Variants in STK16 observed in about 807,000 individuals in gnomAD.
STK16 encodes the protein serine/threonine kinase 16.
Under a neutral mutation model 37.8 loss-of-function variants are expected in STK16, and 28 were observed. That is an observed-to-expected ratio of 0.74 (90% CI 0.55 to 1.02). The LOEUF is 1.02. Ranked by LOEUF, STK16 falls within the 50% of genes least tolerant of loss-of-function variation. The pLI, the probability that STK16 is intolerant of heterozygous loss-of-function variation, is 0.00. For missense variants in STK16, 349 were observed against 390.6 expected, an observed-to-expected ratio of 0.89 and a Z score of 0.90; for synonymous variants, 134 against 155.0, an observed-to-expected ratio of 0.86 and a Z score of 1.01.
chr2:219,249,563 C>T lies in STK16; in HGVS notation c.*1004C>T, dbSNP rs1951609432. The T allele has an allele frequency of 2.0e-5, 3 of 152,324 alleles. No individual in the cohort carries two copies. Among genetic ancestry groups the T allele is most frequent in the Admixed American group, 2.0e-4 (3 of 15,288 alleles). 9.4% of individuals were successfully genotyped at this position (152,324 alleles called of 1,614,324 possible). A position where few individuals can be genotyped will look rare whatever the true frequency, so the allele number is the denominator to read the frequency against. The stretch of plus-strand genomic sequence containing the variant: ...TGCTCTTTTGTGATCCAAGCCTCCT[C>T]CCCCGAACCATGTCTACCCCACAGT... On this transcript the variant is annotated 3_prime_UTR_variant, in exon 8 of 8. Transcript: ENST00000396738.
Position 219,245,906 on chromosome 2 carries a change from T to A in STK16, c.-94T>A, listed in dbSNP as rs1951518413. On this transcript the variant is annotated 5_prime_UTR_variant, in exon 2 of 8. Coordinates refer to ENST00000396738, the MANE Select transcript of STK16 (RefSeq NM_001330213.2). ...TTGTTTTCTTTCCAGCATGATCCGC[T>A]GGGCCCCCAGCGCATCTCCTGGAAG... 1.8e-5 allele frequency: 17 copies of A among 965,274 alleles called. No individual in the cohort carries two copies. Among genetic ancestry groups the A allele is most frequent in the Non-Finnish European group, 4.8e-6 (3 of 623,744 alleles). The allele number at this position is 965,274 out of a possible 1,614,324, so 59.8% of individuals were successfully genotyped here.
chr2:219,247,057 C>A, intron 3 of STK16, 56 bp from the exon 4 acceptor site: 1 of 1,610,496 alleles, frequency 6.2e-7, no homozygotes, highest in Non-Finnish European at 8.5e-7. Context: ...AGGGATCAGG[C>A]CTAAGGAGCA....
At position 219,246,490 on chromosome 2, in the gene STK16, T is replaced by C. The variant is rs910726303; in HGVS notation, c.87-167T>C. 4 of 689,704 alleles carry C rather than the reference T, an allele frequency of 5.8e-6. No individual in the cohort carries two copies. The highest frequency in any genetic ancestry group is 1.1e-5 in the Non-Finnish European group (4 of 368,332). The allele number at this position is 689,704 out of a possible 1,614,324, so 42.7% of individuals were successfully genotyped here. On this transcript the variant is annotated intron_variant, in intron 2 of 7. Transcript: ENST00000396738. The surrounding 1 kb of genome is among the most constrained non-coding windows in gnomAD (Gnocchi z 4.5). ...ACCTCAAAGATTTCTATATCTCTGCTCCTGAGGAGCTCACGGTGTAATATT... is the reference window on the plus strand; with the variant it reads ...ACCTCAAAGATTTCTATATCTCTGCCCCTGAGGAGCTCACGGTGTAATATT...
In STK16 at chr2:219,245,780, T is replaced by C. The variant is rs188928544; in HGVS notation, c.-121T>C. On this transcript the variant is annotated 5_prime_UTR_variant, in exon 1 of 8. Transcript: ENST00000396738. The stretch of plus-strand genomic sequence containing the variant: ...AAGCTGGCGACGGAGCAGGGCCTGT[T>C]TTCTCTACACTATAGTGTAGGTTCC... 241 of 358,168 alleles carry C rather than the reference T, an allele frequency of 6.7e-4. No individual in the cohort carries two copies. Among genetic ancestry groups the C allele is most frequent in the African/African-American group, 4.4e-3 (206 of 46,990 alleles). 22.2% of individuals were successfully genotyped at this position (358,168 alleles called of 1,614,324 possible).
chr2:219,245,899 G>C lies in STK16; in HGVS notation c.-101G>C, dbSNP rs889185775. 1.1e-5 allele frequency: 10 copies of C among 881,070 alleles called. No individual in the cohort carries two copies. The South Asian group carries it at 1.5e-4, about 13-fold the overall frequency. 54.6% of individuals were successfully genotyped at this position (881,070 alleles called of 1,614,324 possible). On this transcript the variant is annotated 5_prime_UTR_variant, in exon 2 of 8. It removes an upstream start codon present in the reference 5' UTR. Coordinates refer to ENST00000396738, the MANE Select transcript of STK16 (RefSeq NM_001330213.2). ...CCTGCCGTTGTTTTCTTTCCAGCAT[G>C]ATCCGCTGGGCCCCCAGCGCATCTC...
chr2:219,250,325 A>ACAC lies in STK16; in HGVS notation c.*1766_*1767insCAC. The ACAC allele has an allele frequency of 6.3e-7, 1 of 1,580,016 alleles. No homozygotes were observed. The highest frequency in any genetic ancestry group is 1.1e-5 in the South Asian group (1 of 87,516). ...ATTTCGAAAGGATTTTGCAATAAAC[A>ACAC]TAGTGAATAGGCTCCAGGCAGCTGC... On this transcript the variant is annotated 3_prime_UTR_variant, in exon 8 of 8. Coordinates refer to ENST00000396738, the MANE Select transcript of STK16 (RefSeq NM_001330213.2). This position sits in a 1 kb window ranked among gnomAD's most constrained non-coding sequence, Gnocchi z 8.4.
In STK16 at chr2:219,247,141, G is replaced by T. The variant is rs1307834789; in HGVS notation, c.335G>T (p.Arg112Met). Reference protein sequence around the residue: ...KRGTLWNEIERLKDKGNFLTE... With the variant: ...KRGTLWNEIEMLKDKGNFLTE... The stretch of plus-strand genomic sequence containing the variant: ...GGTACGCTGTGGAATGAGATAGAAA[G>T]GCTGAAGGACAAAGGCAACTTCCTG... The change falls in exon 4 of 8, where the codon AGG (arginine) becomes ATG (methionine). Residue 112 changes from arginine to methionine, a missense_variant. Transcript: ENST00000396738. 1 of 1,614,116 alleles carries T rather than the reference G, an allele frequency of 6.2e-7. No individual in the cohort carries two copies. Among genetic ancestry groups the T allele is most frequent in the Non-Finnish European group, 8.5e-7 (1 of 1,180,050 alleles).
intron 6 of STK16, 80 bp from the exon 7 acceptor site, chr2:219,248,113 G>A (rs1393303939): frequency 6.4e-7 from 1 of 1,574,464 alleles, no homozygotes; most frequent in Non-Finnish European, 8.7e-7. Context: ...AGCTTATGGA[G>A]TCTCCTTTTA....
chr2:219,248,022 GGGCTGC>G, intron 6 of STK16, 165 bp from the exon 7 acceptor site: 1 of 1,009,316 alleles, frequency 9.9e-7, no homozygotes, highest in Non-Finnish European at 1.5e-6. Context: ...AGCTAAACAG[GGGCTGC>G]GGAGGCCTCC....
At position 219,246,836 on chromosome 2, in the gene STK16, G is replaced by C. The variant is rs368802233; in HGVS notation, c.266G>C (p.Gly89Ala). 1.6e-5 allele frequency: 26 copies of C among 1,613,652 alleles called. No individual in the cohort carries two copies. Among genetic ancestry groups the C allele is most frequent in the Non-Finnish European group, 2.0e-5 (24 of 1,179,702 alleles). Residue 89 changes from glycine (G) to alanine (A), a missense_variant, in exon 3 of 8, where the codon GGT (glycine) becomes GCT (alanine). Physicochemically the swap from Gly to Ala is moderately conservative, Grantham distance 60. Coordinates refer to ENST00000396738, the MANE Select transcript of STK16 (RefSeq NM_001330213.2). This position sits in a 1 kb window ranked among gnomAD's most constrained non-coding sequence, Gnocchi z 4.5. The stretch of plus-strand genomic sequence containing the variant: ...GTGGCTTACTGTCTGAGGGAACGGG[G>C]TGCTAAGCATGAGGCCTGGCTGCTG... ...RLVAYCLRER[G>A]AKHEAWLLLP...
intron 7 of STK16, 38 bp downstream of exon 7, chr2:219,248,352 C>T: frequency 6.2e-7 from 1 of 1,613,678 alleles, no homozygotes; most frequent in Non-Finnish European, 8.5e-7. Flanking sequence ...GTGTTTCAGA[C>T]TCCCCCCTGG....
In STK16 at chr2:219,247,221, A is replaced by T. The variant is rs1414444053; in HGVS notation, c.415A>T (p.Ile139Phe). 1.2e-6 allele frequency: 2 copies of T among 1,614,120 alleles called. No individual in the cohort carries two copies. Among genetic ancestry groups the T allele is most frequent in the Non-Finnish European group, 1.7e-6 (2 of 1,180,036 alleles). ...LLGICRGLEA[I>F]HAKGYAHRDL... ...GGGGATCTGCAGAGGCCTTGAGGCC[A>T]TTCATGCCAAGGGTTATGCCCACAG... The change falls in exon 4 of 8, where the codon ATT becomes TTT. Residue 139 changes from isoleucine (I) to phenylalanine (F), a missense_variant. Ile to Phe is a conservative substitution (Grantham distance 21, BLOSUM62 0). Transcript: ENST00000396738.
In STK16 at chr2:219,250,161, A is replaced by T. The variant is rs1329427348; in HGVS notation, c.*1602A>T. 5 of 815,332 alleles carry T rather than the reference A, an allele frequency of 6.1e-6. No individual in the cohort carries two copies. The African/African-American group carries it at 6.9e-5, about 11-fold the overall frequency. The allele number at this position is 815,332 out of a possible 1,614,324, so 50.5% of individuals were successfully genotyped here. A position where few individuals can be genotyped will look rare whatever the true frequency, so the allele number is the denominator to read the frequency against. On this transcript the variant is annotated 3_prime_UTR_variant, in exon 8 of 8. Transcript: ENST00000396738. The surrounding 1 kb of genome is among the most constrained non-coding windows in gnomAD (Gnocchi z 8.4). ...GTTATGCTTCCTGGGCCTGGCAAGAACCCCTTTGCAGGTCTCACCTTCAGC... is the reference window on the plus strand; with the variant it reads ...GTTATGCTTCCTGGGCCTGGCAAGATCCCCTTTGCAGGTCTCACCTTCAGC...
Position 219,247,777 on chromosome 2 carries a change from G to A in STK16, c.657+20G>A, listed in dbSNP as rs370394246. 68 of 1,557,184 alleles carry A rather than the reference G, an allele frequency of 4.4e-5. No individual in the cohort carries two copies. In the African/African-American group the frequency reaches 7.6e-4, roughly 17 times the overall value. On this transcript the variant is annotated intron_variant, in intron 6 of 7. Coordinates refer to ENST00000396738, the MANE Select transcript of STK16 (RefSeq NM_001330213.2). Reference sequence around the variant, plus strand: ...GTCTGGGTGAGGAGCATGTGGGTGGGTATCTGGGTAGGGAGGGCTGTGGCT... The same window carrying A: ...GTCTGGGTGAGGAGCATGTGGGTGGATATCTGGGTAGGGAGGGCTGTGGCT...
rs1056679 is a variant in STK16 at position 219,248,705 on chromosome 2, C to T, written c.*146C>T. The T allele has an allele frequency of 1.2e-6, 1 of 863,624 alleles. No homozygotes were observed. The highest frequency in any genetic ancestry group is 1.6e-6 in the Non-Finnish European group (1 of 638,672). 53.5% of individuals were successfully genotyped at this position (863,624 alleles called of 1,614,324 possible). On this transcript the variant is annotated 3_prime_UTR_variant, in exon 8 of 8. Transcript: ENST00000396738. ...CAATCATCTCAGTCCTGCATCTTTT[C>T]TTCTGCTTTCTTCCCTCCAAGAGCA...
In STK16 at chr2:219,249,827, G is replaced by A. The variant is rs1951614856; in HGVS notation, c.*1268G>A. The A allele has an allele frequency of 6.4e-6, 1 of 155,858 alleles. No homozygotes were observed. The highest frequency in any genetic ancestry group is 1.9e-4 in the South Asian group (1 of 5,208). The allele number at this position is 155,858 out of a possible 1,614,324, so 9.7% of individuals were successfully genotyped here. A position where few individuals can be genotyped will look rare whatever the true frequency, so the allele number is the denominator to read the frequency against. ...CAAACAACTCTAGGAGATCGCCTGTGTTCCCTCCCATCCCCCAAGCTTATG... is the reference window on the plus strand; with the variant it reads ...CAAACAACTCTAGGAGATCGCCTGTATTCCCTCCCATCCCCCAAGCTTATG... On this transcript the variant is annotated 3_prime_UTR_variant, in exon 8 of 8. Coordinates refer to ENST00000396738, the MANE Select transcript of STK16 (RefSeq NM_001330213.2).
rs1020707456 is a variant in STK16, at chr2:219,246,396, A to G, written c.87-261A>G. 9.8e-6 allele frequency: 6 copies of G among 611,964 alleles called. 1 individual carries two copies. In the Admixed American group the frequency reaches 1.2e-4, roughly 12 times the overall value. 37.9% of individuals were successfully genotyped at this position (611,964 alleles called of 1,614,324 possible). On this transcript the variant is annotated intron_variant, in intron 2 of 7. Coordinates refer to ENST00000396738, the MANE Select transcript of STK16 (RefSeq NM_001330213.2). This position sits in a 1 kb window ranked among gnomAD's most constrained non-coding sequence, Gnocchi z 4.5. ...CTCACCCAATGCGGGGTTGACAAGT[A>G]CTTGATAAGTGTTGGCTATTATTTA... is the stretch of plus-strand genomic sequence containing the variant.
intron 7 of STK16, 34 bp from the exon 8 acceptor site, chr2:219,248,387 G>A: frequency 6.2e-7 from 1 of 1,612,532 alleles, no homozygotes; most frequent in Non-Finnish European, 8.5e-7. Context: ...ACAGATAGGT[G>A]TCATCCGGTC....
Position 219,246,760 on chromosome 2 carries a change from C to T in STK16, c.190C>T (p.Arg64Ter), listed in dbSNP as rs375565820. The T allele has an allele frequency of 2.2e-5, 35 of 1,614,080 alleles. No individual in the cohort carries two copies. Among genetic ancestry groups the T allele is most frequent in the African/African-American group, 1.1e-4 (8 of 74,924 alleles). Residue 64 changes from arginine (R) to a stop codon, truncating the protein, a stop_gained, in exon 3 of 8, where the codon CGA (arginine) becomes TGA (stop). Coordinates refer to ENST00000396738, the MANE Select transcript of STK16 (RefSeq NM_001330213.2). LOFTEE classifies it high-confidence loss of function. The surrounding 1 kb of genome is among the most constrained non-coding windows in gnomAD (Gnocchi z 4.5). ...HEQQDREEAQREADMHRLFNH... is the reference protein window; with the variant it reads ...HEQQDREEAQ Reference sequence around the variant, plus strand: ...GCAGCAGGACCGGGAGGAGGCCCAGCGAGAAGCCGACATGCATCGCCTCTT... The same window carrying T: ...GCAGCAGGACCGGGAGGAGGCCCAGTGAGAAGCCGACATGCATCGCCTCTT...
Sources: gnomAD v4.1 joint callset for allele counts on GRCh38, gnomAD v4.1.1 for gene constraint, Gnocchi (gnomAD v3.1) non-coding constraint, MANE v1.5 for transcripts, NCBI Gene and HGNC (gene_info 2026-07-23, HGNC 2026-07-21) for gene names.